FYN: variants seen among roughly 807,000 people sequenced by gnomAD.
The protein encoded by FYN is FYN proto-oncogene, Src family tyrosine kinase, also known as tyrosine-protein kinase Fyn.
In FYN, 10 loss-of-function variants were observed where a neutral mutation model predicts 70.2. That is an observed-to-expected ratio of 0.14 (90% confidence interval 0.09 to 0.24). The LOEUF is 0.24. FYN is among the 10% of genes least tolerant of loss of function. The pLI, the probability that FYN is intolerant of heterozygous loss-of-function variation, is 1.00. For synonymous variants in FYN, 236 were observed against 248.6 expected (o/e 0.95, Z 0.48); for missense variants, 319 against 673.1 (o/e 0.47, Z 5.82).
chr6:111,674,639 T>A lies in FYN; in HGVS notation c.1274-9A>T, dbSNP rs1798453560. 2 of 1,612,252 alleles carry A rather than the reference T, an allele frequency of 1.2e-6. No individual in the cohort carries two copies. The highest frequency in any genetic ancestry group is 2.2e-5 in the South Asian group (2 of 90,860). Reference sequence around the variant, plus strand: ...GATGGGGAACTTTGCACCTGCAGAATGAACACTTGGTTATTCATCAGGCAG... The same window carrying A: ...GATGGGGAACTTTGCACCTGCAGAAAGAACACTTGGTTATTCATCAGGCAG... On this transcript the variant is annotated splice_polypyrimidine_tract_variant and intron_variant, in intron 12 of 13. Coordinates refer to ENST00000354650, the MANE Select transcript of FYN (RefSeq NM_002037.5).
At chr6:111,807,111 C>T (rs991797973) in intron 2 of FYN, among the ~76,000 whole-genome samples, 1 of 152,194 alleles carries the variant, frequency 6.6e-6, no homozygotes, top group Non-Finnish European at 1.5e-5. Context: ...ATTTCATGGG[C>T]TTATAACAAG....
At chr6:111,814,901 T>A (rs1199979868) in intron 2 of FYN, among the ~76,000 whole-genome samples, 1 of 152,198 alleles carries the variant, frequency 6.6e-6, no homozygotes, top group East Asian at 1.9e-4. Context: ...TCTCAACTTT[T>A]AAAAAAATTG....
chr6:111,663,652 CCTCA>C (rs1797868607), intron 13 of FYN, among the ~76,000 whole-genome samples: 1 of 152,192 alleles, frequency 6.6e-6, no homozygotes, highest in Non-Finnish European at 1.5e-5. Context: ...TGTAAAATAA[CCTCA>C]CTCACGTGTC....
chr6:111,788,798 G>A (rs1771498607), intron 2 of FYN, among the ~76,000 whole-genome samples: 1 of 152,104 alleles, frequency 6.6e-6, no homozygotes, highest in Non-Finnish European at 1.5e-5. Flanking sequence ...ATGGGAACTA[G>A]AAAATACAGG....
At chr6:111,701,326 G>A (rs577465938) in intron 8 of FYN, among the ~76,000 whole-genome samples, 2 of 152,304 alleles carry the variant, frequency 1.3e-5, no homozygotes, top group East Asian at 3.9e-4. Context: ...AGCCTGCCTT[G>A]TGAGGTGGAC....
intron 2 of FYN, among the ~76,000 whole-genome samples, chr6:111,809,287 T>C (rs1171664230): frequency 6.6e-6 from 1 of 152,224 alleles, no homozygotes; most frequent in Non-Finnish European, 1.5e-5. Flanking sequence ...TCAGTTCCAC[T>C]AACCTGAAAA....
rs570187149 is a variant in FYN, at chr6:111,827,026, T to C, written c.-82+19563A>G. Among the ~76,000 whole-genome samples, 3 of 152,318 alleles carry C rather than the reference T, an allele frequency of 2.0e-5. No individual in the cohort carries two copies. The South Asian group carries it at 6.2e-4, about 32-fold the overall frequency. On this transcript the variant is annotated intron_variant, in intron 2 of 13. Coordinates refer to ENST00000354650, the MANE Select transcript of FYN (RefSeq NM_002037.5). ...TTCCTGAGCCCTTATCAGAGCTCTT[T>C]CCAGCTCATCTCAGTGCTTCCACGC...
intron 3 of FYN, among the ~76,000 whole-genome samples, chr6:111,763,086 C>T (rs551158378): frequency 1.1e-4 from 17 of 152,232 alleles, no homozygotes; most frequent in African/African-American, 3.6e-4. Flanking sequence ...TTCTTTGAAC[C>T]GATTGTCAAT....
intron 3 of FYN, among the ~76,000 whole-genome samples, chr6:111,734,675 A>G (rs911406426): frequency 9.2e-5 from 14 of 152,088 alleles, no homozygotes; most frequent in African/African-American, 3.1e-4. Context: ...GAAGAAAACA[A>G]TAACAAGAAT....
rs2128468543 is a variant in FYN at position 111,728,158 on chromosome 6, G to C, written c.-11-8096C>G. 2.6e-5 allele frequency among the ~76,000 whole-genome samples: 4 copies of C among 152,258 alleles called. No homozygotes were observed. The Middle Eastern group carries it at 0.014, about 518-fold the overall frequency. On this transcript the variant is annotated intron_variant, in intron 3 of 13. Coordinates refer to ENST00000354650, the MANE Select transcript of FYN (RefSeq NM_002037.5). ...TAAATTCATTTTGCTCTGGATCTCA[G>C]GGTTAAGACAAGAGTGAAATGGTGA...
intron 5 of FYN, chr6:111,709,036 G>A (rs1800241659): frequency 6.6e-6 from 1 of 152,156 alleles, no homozygotes; most frequent in South Asian, 2.1e-4. Context: ...GACATCCACT[G>A]AGTATCTGCA....
At chr6:111,863,976 C>T (rs940878256) in intron 1 of FYN, among the ~76,000 whole-genome samples, 2 of 152,158 alleles carry the variant, frequency 1.3e-5, no homozygotes, top group Admixed American at 6.5e-5. Context: ...CTGTTGTTCC[C>T]AGATACAGAA....
intron 3 of FYN, among the ~76,000 whole-genome samples, chr6:111,738,934 C>CT (rs1801824620): frequency 6.6e-6 from 1 of 152,116 alleles, no homozygotes. Flanking sequence ...GCCCTCCCTC[C>CT]TCCTGCTCTG....
chr6:111,826,520 T>G (rs555892089), intron 2 of FYN, among the ~76,000 whole-genome samples: 2 of 151,960 alleles, frequency 1.3e-5, no homozygotes, highest in South Asian at 4.2e-4. Flanking sequence ...CATGACTAAT[T>G]TCGCTTCCTA....
At chr6:111,737,042 T>C (rs1446213526) in intron 3 of FYN, among the ~76,000 whole-genome samples, 2 of 152,230 alleles carry the variant, frequency 1.3e-5, no homozygotes, top group Non-Finnish European at 2.9e-5. Flanking sequence ...TGGTTAATCA[T>C]CCATTCTTGT....
chr6:111,671,564 T>C (rs377543168), intron 13 of FYN, among the ~76,000 whole-genome samples: 1 of 152,300 alleles, frequency 6.6e-6, no homozygotes, highest in East Asian at 1.9e-4. Flanking sequence ...CTTCAAAATA[T>C]ACTCTAGCCA....
chr6:111,802,964 T>C (rs546226260), intron 2 of FYN, among the ~76,000 whole-genome samples: 30 of 152,356 alleles, frequency 2.0e-4, no homozygotes, highest in Non-Finnish European at 3.2e-4. Context: ...TAGGAAATCG[T>C]ATAATCTGGG....
chr6:111,683,769 G>A (rs1479697044), intron 12 of FYN, among the ~76,000 whole-genome samples: 2 of 151,852 alleles, frequency 1.3e-5, no homozygotes, highest in Non-Finnish European at 2.9e-5. Context: ...CAGAAATTTG[G>A]TTTACAGGAG....
chr6:111,823,399 G>A (rs770023690), intron 2 of FYN, among the ~76,000 whole-genome samples: 20 of 152,130 alleles, frequency 1.3e-4, no homozygotes, highest in African/African-American at 4.3e-4. Context: ...TCTAAACACC[G>A]GCTCAAATTT....
Sources: allele counts gnomAD v4.1 joint callset (sites outside exome capture counted in the v4.1 genomes callset), GRCh38; gene constraint gnomAD v4.1.1; transcripts MANE v1.5; gene names NCBI Gene and HGNC (gene_info 2026-07-23, HGNC 2026-07-21).